NOS1: variants seen among roughly 807,000 people sequenced by gnomAD.
NOS1 encodes NOS type I.
A neutral mutation model predicts 164.5 loss-of-function variants in NOS1; 51 were observed. The ratio of observed to expected loss-of-function variants is 0.31; its 90% CI spans 0.25 to 0.39. The LOEUF is 0.39. Among genes scored for constraint, NOS1 ranks in the 10% least tolerant of loss-of-function variants. NOS1 has a pLI of 1.00. For synonymous variants in NOS1, 719 were observed against 745.8 expected (o/e 0.96, Z 0.59); for missense variants, 1,362 against 1,885.6 (o/e 0.72, Z 5.14).
In NOS1 at chr12:117,330,785, G is replaced by A. The variant is rs757539337; in HGVS notation, c.285C>T (p.Leu95=). ...TGAAACCTTCAGGGCCCCTCAGAAT[G>A]AGGACCACGTGGGTCTCAGAGGCAA... ...RGIASETHVV[L]ILRGPEGFTT... Residue 95 remains leucine (L), a synonymous_variant, in exon 2 of 29, where the codon CTC becomes CTT. Transcript: ENST00000317775. This position sits in a 1 kb window ranked among gnomAD's most constrained non-coding sequence, Gnocchi z 4.6. The A allele has an allele frequency of 6.2e-7, 1 of 1,614,074 alleles. No individual in the cohort carries two copies. Among genetic ancestry groups the A allele is most frequent in the Non-Finnish European group, 8.5e-7 (1 of 1,180,010 alleles).
At chr12:117,241,047 C>T (rs1870131208) in intron 20 of NOS1, among the ~76,000 whole-genome samples, 2 of 150,848 alleles carry the variant, frequency 1.3e-5, no homozygotes, top group Middle Eastern at 3.5e-3. Flanking sequence ...TCCAGCGATT[C>T]GCCTGCCTCA....
intron 9 of NOS1, among the ~76,000 whole-genome samples, chr12:117,276,290 AT>A (rs886940198): frequency 1.6e-3 from 241 of 149,738 alleles, no homozygotes; most frequent in African/African-American, 4.7e-3. Context: ...CTTTCTAACT[AT>A]TTTTTTTTTG....
At chr12:117,287,932 G>A in intron 5 of NOS1, 142 bp downstream of exon 5, 1 of 790,256 alleles carries the variant, frequency 1.3e-6, no homozygotes. Flanking sequence ...GAACAGATGT[G>A]ACCTATGGGT....
chr12:117,333,653 T>G (rs1327007020), intron 1 of NOS1, among the ~76,000 whole-genome samples: 1 of 152,240 alleles, frequency 6.6e-6, no homozygotes, highest in Non-Finnish European at 1.5e-5. Context: ...CAGCCTGGGC[T>G]GCGTTCTCCA....
chr12:117,244,894 G>A (rs1304301445), intron 18 of NOS1, among the ~76,000 whole-genome samples: 1 of 152,178 alleles, frequency 6.6e-6, no homozygotes, highest in Non-Finnish European at 1.5e-5. Flanking sequence ...TCGAGAGCTG[G>A]GGGTGGGATG....
intron 16 of NOS1, among the ~76,000 whole-genome samples, chr12:117,256,832 G>A (rs1362997359): frequency 6.6e-6 from 1 of 151,838 alleles, no homozygotes; most frequent in Admixed American, 6.6e-5. Flanking sequence ...AGCACTTTGG[G>A]AGGCTGAGGC....
chr12:117,295,615 CTTTTTTTTT>C (rs33913257), intron 3 of NOS1, among the ~76,000 whole-genome samples: 1 of 105,114 alleles, frequency 9.5e-6, no homozygotes, highest in African/African-American at 3.8e-5. Context: ...CCTGATCATT[CTTTTTTTTT>C]TTTTTTTTTT....
chr12:117,278,890 T>C (rs911390384), intron 8 of NOS1, among the ~76,000 whole-genome samples: 3 of 149,514 alleles, frequency 2.0e-5, no homozygotes, highest in Non-Finnish European at 3.0e-5. Context: ...TATGTAACAC[T>C]TATTCATCTA....
chr12:117,359,940 A>C (rs1877057917), intron 1 of NOS1, among the ~76,000 whole-genome samples: 1 of 104,986 alleles, frequency 9.5e-6, no homozygotes, highest in African/African-American at 3.4e-5. Context: ...ATATATCAGC[A>C]ACACTTCCTG....
intron 3 of NOS1, among the ~76,000 whole-genome samples, chr12:117,293,151 C>A (rs762541064): frequency 6.6e-6 from 1 of 152,120 alleles, no homozygotes; most frequent in Non-Finnish European, 1.5e-5. Flanking sequence ...GCATTCATGG[C>A]GCCATGTTGG....
intron 8 of NOS1, among the ~76,000 whole-genome samples, chr12:117,279,962 A>T (rs937591498): frequency 4.6e-5 from 7 of 152,194 alleles, no homozygotes; most frequent in African/African-American, 1.7e-4. Context: ...GAGGGGCTTG[A>T]GCAAAGGACG....
intron 1 of NOS1, among the ~76,000 whole-genome samples, chr12:117,360,161 C>A (rs1358424261): frequency 6.6e-6 from 1 of 151,728 alleles, no homozygotes; most frequent in East Asian, 2.0e-4. Flanking sequence ...CTGCCCTCCT[C>A]GGCTGCCTTC....
At chr12:117,268,979 A>T (rs1872619415) in intron 10 of NOS1, among the ~76,000 whole-genome samples, 1 of 152,142 alleles carries the variant, frequency 6.6e-6, no homozygotes, top group Non-Finnish European at 1.5e-5. Context: ...TTTATCGAGA[A>T]CCTACCAGCA....
At chr12:117,343,179 A>AC (rs1281302885) in intron 1 of NOS1, among the ~76,000 whole-genome samples, 2 of 151,938 alleles carry the variant, frequency 1.3e-5, no homozygotes, top group African/African-American at 4.8e-5. Context: ...AAAAAAAAAA[A>AC]ATTAACTACG....
chr12:117,211,362 T>G lies in NOS1; in HGVS notation c.*3947A>C. The stretch of plus-strand genomic sequence containing the variant: ...GTCTCTTTATCACTACATCCGCCTC[T>G]TCCCTCACTCAAGCCTTGGTTGCAG... On this transcript the variant is annotated 3_prime_UTR_variant, in exon 29 of 29. Transcript: ENST00000317775. 1 of 985,494 alleles carries G rather than the reference T, an allele frequency of 1.0e-6. No homozygotes were observed. The highest frequency in any genetic ancestry group is 1.7e-5 in the African/African-American group (1 of 57,348). The allele number at this position is 985,494 out of a possible 1,614,324, so 61.0% of individuals were successfully genotyped here.
chr12:117,294,857 C>T (rs563399285), intron 3 of NOS1, among the ~76,000 whole-genome samples: 17 of 152,108 alleles, frequency 1.1e-4, no homozygotes, highest in Admixed American at 7.9e-4. Context: ...CCTAAGTGTG[C>T]AAAGGAGGCC....
chr12:117,265,601 G>T (rs989056761), intron 11 of NOS1, 91 bp from the exon 12 acceptor site: 11 of 1,005,482 alleles, frequency 1.1e-5, no homozygotes, highest in Non-Finnish European at 2.8e-6. Flanking sequence ...TTCCCAAAGG[G>T]TGGTCCCTGA....
At chr12:117,247,224 C>T (rs754389771) in intron 18 of NOS1, 124 bp downstream of exon 18, 42 of 758,388 alleles carry the variant, frequency 5.5e-5, no homozygotes, top group Non-Finnish European at 7.9e-5. Context: ...TGTATCTTGG[C>T]TGGATACATG....
Position 117,212,742 on chromosome 12 carries a change from C to T in NOS1, c.*2567G>A, listed in dbSNP as rs1210346657. The T allele has an allele frequency of 2.0e-6, 2 of 985,314 alleles. No homozygotes were observed. The highest frequency in any genetic ancestry group is 2.4e-6 in the Non-Finnish European group (2 of 829,948). The allele number at this position is 985,314 out of a possible 1,614,324, so 61.0% of individuals were successfully genotyped here. A position where few individuals can be genotyped will look rare whatever the true frequency, so the allele number is the denominator to read the frequency against. On this transcript the variant is annotated 3_prime_UTR_variant, in exon 29 of 29. Coordinates refer to ENST00000317775, the MANE Select transcript of NOS1 (RefSeq NM_000620.5). ...TATTTTGCACTTAAACGGTTGGCTA[C>T]GAGGCCTGGATGAAAAGCCACCACG...
Sources: allele counts gnomAD v4.1 joint callset (sites outside exome capture counted in the v4.1 genomes callset), GRCh38; gene constraint gnomAD v4.1.1; non-coding constraint Gnocchi (gnomAD v3.1); transcripts MANE v1.5; gene names NCBI Gene and HGNC (gene_info 2026-07-23, HGNC 2026-07-21).